Variants in MRE11 observed in about 807,000 individuals in gnomAD.
The protein encoded by MRE11 is MRE11 double strand break repair nuclease.
MRE11 carries 62 observed loss-of-function variants against 91.7 expected under a neutral mutation model. That is an observed-to-expected ratio of 0.68 (90% CI 0.55 to 0.84). The LOEUF is 0.84. MRE11 is among the 40% of genes least tolerant of loss of function. The pLI, the probability that MRE11 is intolerant of heterozygous loss-of-function variation, is 0.00. For synonymous variants in MRE11, 273 were observed against 271.4 expected (o/e 1.01, Z -0.06); for missense variants, 796 against 852.9 (o/e 0.93, Z 0.83).
intron 8 of MRE11, among the ~76,000 whole-genome samples, chr11:94,471,006 T>A (rs796322519): frequency 3.9e-5 from 6 of 152,138 alleles, no homozygotes; most frequent in African/African-American, 1.4e-4. Context: ...GACAAAATGA[T>A]TTTGCAGTGG....
At chr11:94,475,753 T>A in intron 7 of MRE11, 1 of 390,434 alleles carries the variant, frequency 2.6e-6, no homozygotes, top group Non-Finnish European at 5.0e-6. Flanking sequence ...GCAAGGTTTA[T>A]AAAAGCAAAA....
At chr11:94,455,749 T>A (rs1468635118) in intron 14 of MRE11, among the ~76,000 whole-genome samples, 2 of 152,186 alleles carry the variant, frequency 1.3e-5, no homozygotes, top group Non-Finnish European at 2.9e-5. Flanking sequence ...CACTTTAAGT[T>A]TCTTTTTTGC....
intron 11 of MRE11, among the ~76,000 whole-genome samples, chr11:94,463,756 G>A (rs1243476439): frequency 1.4e-5 from 2 of 141,364 alleles, no homozygotes; most frequent in Admixed American, 7.1e-5. Context: ...ACAGGGCAGG[G>A]AACATCACAC....
intron 15 of MRE11, 21 bp from the exon 16 acceptor site, chr11:94,445,914 C>A: frequency 6.4e-7 from 1 of 1,563,210 alleles, no homozygotes; most frequent in South Asian, 1.1e-5. Flanking sequence ...AATGAACAGT[C>A]AATGTACAAG....
the MRE11 span, among the ~76,000 whole-genome samples, chr11:94,508,517 G>T: frequency 6.6e-6 from 1 of 152,002 alleles, no homozygotes; most frequent in Admixed American, 6.6e-5. Flanking sequence ...TTATTAAAAG[G>T]AACAGCCCCT....
chr11:94,461,343 A>G (rs1487374831), intron 11 of MRE11, among the ~76,000 whole-genome samples: 1 of 152,210 alleles, frequency 6.6e-6, no homozygotes, highest in East Asian at 1.9e-4. Context: ...TACTTTCATA[A>G]TAATCCTAAG....
chr11:94,488,797 G>A (rs1286344415), intron 3 of MRE11, among the ~76,000 whole-genome samples: 1 of 152,152 alleles, frequency 6.6e-6, no homozygotes, highest in Non-Finnish European at 1.5e-5. Context: ...CCAGAGAGCA[G>A]ATGATAGGAG....
chr11:94,446,608 T>C (rs1194336003), intron 15 of MRE11, among the ~76,000 whole-genome samples: 2 of 152,328 alleles, frequency 1.3e-5, no homozygotes, highest in East Asian at 3.9e-4. Flanking sequence ...TCTTTAGAGA[T>C]GAACTGACAT....
chr11:94,498,308 G>C (rs775473349), upstream of MRE11: 3 of 1,614,116 alleles, frequency 1.9e-6, no homozygotes, highest in Non-Finnish European at 2.5e-6. Context: ...GCATGATGCA[G>C]ATATCAATGC....
intron 14 of MRE11, among the ~76,000 whole-genome samples, chr11:94,450,790 C>G (rs1190309554): frequency 6.6e-6 from 1 of 151,912 alleles, no homozygotes; most frequent in Non-Finnish European, 1.5e-5. Flanking sequence ...CTAGGAGAAA[C>G]AAAATAAAGC....
rs13447633 is a variant in MRE11, at chr11:94,470,519, T to C, written c.969A>G (p.Pro323=). ...VLANHPDIFN[P]DNPKVTQAIQ... ...TGGCTTGGGTTACTTTAGGATTATC[T>C]GGGTTAAAAATGTCTGGATGATTAG... is the stretch of plus-strand genomic sequence containing the variant. Residue 323 remains proline (P), a synonymous_variant, in exon 9 of 20, where the codon CCA becomes CCG. Transcript: ENST00000323929. 4.3e-4 allele frequency: 692 copies of C among 1,613,250 alleles called. 2 individuals are homozygous for C. The African/African-American group carries it at 8.0e-3, about 19-fold the overall frequency.
intron 16 of MRE11, among the ~76,000 whole-genome samples, chr11:94,443,158 G>A (rs1180929587): frequency 6.6e-6 from 1 of 152,136 alleles, no homozygotes; most frequent in Non-Finnish European, 1.5e-5. Flanking sequence ...TACTTCCAAG[G>A]CAAATTAGTC....
intron 4 of MRE11, among the ~76,000 whole-genome samples, chr11:94,482,774 A>G (rs934134183): frequency 2.6e-5 from 4 of 152,136 alleles, no homozygotes; most frequent in African/African-American, 9.7e-5. Context: ...TCTCTACTAA[A>G]AACGCATAAA....
At chr11:94,457,887 T>TCTCTCACACACACACACA (rs372404360) in intron 13 of MRE11, among the ~76,000 whole-genome samples, 2 of 144,220 alleles carry the variant, frequency 1.4e-5, no homozygotes, top group South Asian at 2.3e-4. Flanking sequence ...TCTCTCTCTC[T>TCTCTCACACACACACACA]CACACACACA....
intron 16 of MRE11, among the ~76,000 whole-genome samples, chr11:94,439,759 T>C (rs2134857197): frequency 6.6e-6 from 1 of 152,366 alleles, no homozygotes; most frequent in South Asian, 2.1e-4. Flanking sequence ...TGTCCCATCC[T>C]ACAGATGAGA....
At chr11:94,435,974 T>TTACA in intron 17 of MRE11, 75 bp from the exon 18 acceptor site, 1 of 1,288,130 alleles carries the variant, frequency 7.8e-7, no homozygotes, top group Non-Finnish European at 1.1e-6. Flanking sequence ...AAGAAATGAA[T>TTACA]TACACGATTA....
chr11:94,496,080 A>T (rs1018319477), upstream of MRE11, among the ~76,000 whole-genome samples: 1 of 152,228 alleles, frequency 6.6e-6, no homozygotes, highest in African/African-American at 2.4e-5. Flanking sequence ...ATCAAAGTAG[A>T]AATAGGATAA....
chr11:94,503,826 CAAAAA>C, the MRE11 span, among the ~76,000 whole-genome samples: 2 of 87,268 alleles, frequency 2.3e-5, no homozygotes, highest in African/African-American at 4.7e-5. Context: ...GACTCCGTCT[CAAAAA>C]AAAAAAAAAA....
intron 14 of MRE11, among the ~76,000 whole-genome samples, chr11:94,454,067 C>T (rs1164308180): frequency 6.7e-6 from 1 of 148,430 alleles, no homozygotes; most frequent in Non-Finnish European, 1.5e-5. Context: ...TCTATGTGAA[C>T]AAAAGATTTT....
Sources: gnomAD v4.1 joint callset for allele counts (sites outside exome capture counted in the v4.1 genomes callset) on GRCh38, gnomAD v4.1.1 for gene constraint, MANE v1.5 for transcripts, NCBI Gene and HGNC (gene_info 2026-07-23, HGNC 2026-07-21) for gene names.